Variants in EYS observed in about 807,000 individuals in gnomAD.
EYS encodes the protein protein eyes shut homolog.
Under a neutral mutation model 282.1 loss-of-function variants are expected in EYS, and 250 were observed. The ratio of observed to expected loss-of-function variants is 0.89; its 90% confidence interval spans 0.80 to 0.98. The LOEUF is 0.98. Among genes scored for constraint, EYS ranks in the 50% least tolerant of loss-of-function variants. The pLI is 0.00. For synonymous variants in EYS, 1,355 were observed against 1,282.9 expected (o/e 1.06, Z -1.20); for missense variants, 4,016 against 3,709.0 (o/e 1.08, Z -2.15).
chr6:64,649,162 T>C (rs1419508183), intron 22 of EYS, among the ~76,000 whole-genome samples: 1 of 152,182 alleles, frequency 6.6e-6, no homozygotes, highest in Non-Finnish European at 1.5e-5. Flanking sequence ...TGTTTGAAAT[T>C]ATAACAAAAT....
At chr6:64,768,331 T>C (rs955838495) in intron 22 of EYS, among the ~76,000 whole-genome samples, 4 of 152,094 alleles carry the variant, frequency 2.6e-5, no homozygotes, top group Non-Finnish European at 5.9e-5. Context: ...ATGATGATAA[T>C]AAAAATGATT....
At chr6:64,804,995 T>C (rs112979858) in intron 22 of EYS, among the ~76,000 whole-genome samples, 6 of 152,050 alleles carry the variant, frequency 3.9e-5, no homozygotes, top group African/African-American at 1.4e-4. Flanking sequence ...TTTTTGTACA[T>C]AGTAGTTTTC....
At chr6:65,122,277 T>A (rs1242197381) in intron 12 of EYS, among the ~76,000 whole-genome samples, 1 of 152,026 alleles carries the variant, frequency 6.6e-6, no homozygotes, top group African/African-American at 2.4e-5. Flanking sequence ...TTTCACAATA[T>A]CACAAAAAGG....
chr6:64,688,777 C>G (rs1770259449), intron 22 of EYS, among the ~76,000 whole-genome samples: 1 of 152,048 alleles, frequency 6.6e-6, no homozygotes, highest in African/African-American at 2.4e-5. Flanking sequence ...CCTGGATATC[C>G]TTGTTAACTT....
At chr6:65,650,521 T>G (rs1466288495) in intron 1 of EYS, among the ~76,000 whole-genome samples, 3 of 152,202 alleles carry the variant, frequency 2.0e-5, no homozygotes, top group Non-Finnish European at 4.4e-5. Context: ...AATGGTTATT[T>G]CAGAATACTT....
At chr6:63,816,430 A>G (rs1472880923) in intron 36 of EYS, among the ~76,000 whole-genome samples, 1 of 152,208 alleles carries the variant, frequency 6.6e-6, no homozygotes, top group Non-Finnish European at 1.5e-5. Flanking sequence ...GTTACTGGCA[A>G]TATAAACTAA....
chr6:65,230,091 C>T (rs182358624), intron 12 of EYS, among the ~76,000 whole-genome samples: 131 of 151,876 alleles, frequency 8.6e-4, no homozygotes, highest in African/African-American at 2.9e-3. Context: ...ATACAATAAC[C>T]ACTTGAGTAA....
At chr6:65,197,273 C>T (rs373835173) in intron 12 of EYS, among the ~76,000 whole-genome samples, 26 of 152,044 alleles carry the variant, frequency 1.7e-4, no homozygotes, top group Non-Finnish European at 2.6e-4. Context: ...GGACATAAAA[C>T]GGATTGGTGT....
chr6:65,271,506 C>G (rs1394647851), intron 12 of EYS, among the ~76,000 whole-genome samples: 2 of 152,040 alleles, frequency 1.3e-5, no homozygotes, highest in Non-Finnish European at 2.9e-5. Context: ...CAGAAACATC[C>G]TTAAAGACAT....
At chr6:64,936,822 C>T (rs536166053) in intron 15 of EYS, among the ~76,000 whole-genome samples, 39 of 151,306 alleles carry the variant, frequency 2.6e-4, no homozygotes, top group African/African-American at 8.9e-4. Context: ...CAGAAAGTAA[C>T]AAGCTGATAC....
chr6:64,613,816 C>T (rs1487634330), intron 24 of EYS, among the ~76,000 whole-genome samples: 1 of 152,136 alleles, frequency 6.6e-6, no homozygotes. Flanking sequence ...GGAGAAAAAT[C>T]CCCTCATGCT....
At chr6:65,230,557 G>C (rs1766744788) in intron 12 of EYS, among the ~76,000 whole-genome samples, 1 of 151,732 alleles carries the variant, frequency 6.6e-6, no homozygotes, top group Non-Finnish European at 1.5e-5. Flanking sequence ...AAAATTTACT[G>C]TCTTGGTTAA....
In EYS at chr6:65,513,902, A is replaced by C. The variant is rs535066330; in HGVS notation, c.-332-17909T>G. On this transcript the variant is annotated intron_variant, in intron 2 of 42. Coordinates refer to ENST00000503581, the MANE Select transcript of EYS (RefSeq NM_001142800.2). ...GCACAAGACAGGGCTGCCCTCTCTC[A>C]CCACTCCTATTCAACATAGTGTTGG... Among the ~76,000 whole-genome samples the C allele has an allele frequency of 8.3e-4, 127 of 152,290 alleles. 1 individual carries two copies. The highest frequency in any genetic ancestry group is 2.7e-3 in the African/African-American group (112 of 41,568).
rs114663995 is a variant in EYS at position 65,350,337 on chromosome 6, A to G, written c.1459+3121T>C. On this transcript the variant is annotated intron_variant, in intron 9 of 42. Coordinates refer to ENST00000503581, the MANE Select transcript of EYS (RefSeq NM_001142800.2). ...TCGTTTAAAATTTAAGAAGTAACGTATAATGCATAAATTATAATTAATATT... is the reference window on the plus strand; with the variant it reads ...TCGTTTAAAATTTAAGAAGTAACGTGTAATGCATAAATTATAATTAATATT... 3.7e-3 allele frequency among the ~76,000 whole-genome samples: 558 copies of G among 151,664 alleles called. 2 individuals are homozygous for G. The highest frequency in any genetic ancestry group is 0.011 in the Middle Eastern group (3 of 282).
At chr6:64,824,772 C>A (rs1765001285) in intron 19 of EYS, among the ~76,000 whole-genome samples, 1 of 151,850 alleles carries the variant, frequency 6.6e-6, no homozygotes, top group Non-Finnish European at 1.5e-5. Flanking sequence ...TTGAAATGTT[C>A]TCTCCATAAA....
At chr6:64,582,525 T>C (rs999100789) in intron 26 of EYS, among the ~76,000 whole-genome samples, 1 of 151,382 alleles carries the variant, frequency 6.6e-6, no homozygotes, top group African/African-American at 2.4e-5. Flanking sequence ...AAATTGTCTT[T>C]CCAAAAACAA....
At chr6:64,669,996 T>C (rs548873813) in intron 22 of EYS, among the ~76,000 whole-genome samples, 1 of 152,158 alleles carries the variant, frequency 6.6e-6, no homozygotes, top group African/African-American at 2.4e-5. Context: ...GACATGTAAA[T>C]CTTTTAAAAA....
intron 22 of EYS, among the ~76,000 whole-genome samples, chr6:64,690,666 T>C (rs925660680): frequency 3.3e-5 from 5 of 152,186 alleles, no homozygotes; most frequent in Non-Finnish European, 5.9e-5. Context: ...AGGATGAGTT[T>C]ATGTCCTTTG....
At chr6:65,219,291 A>G (rs535762085) in intron 12 of EYS, among the ~76,000 whole-genome samples, 1 of 152,310 alleles carries the variant, frequency 6.6e-6, no homozygotes, top group African/African-American at 2.4e-5. Context: ...AGATTAAAAC[A>G]ATGGTTCCAA....
Sources: gnomAD v4.1 joint callset for allele counts (sites outside exome capture counted in the v4.1 genomes callset) on GRCh38, gnomAD v4.1.1 for gene constraint, MANE v1.5 for transcripts, NCBI Gene and HGNC (gene_info 2026-07-23, HGNC 2026-07-21) for gene names.